Variants in MID1 observed in about 807,000 individuals in gnomAD.
The protein encoded by MID1 is midline 1.
MID1 carries 7 observed loss-of-function variants against 40.4 expected under a neutral mutation model. The ratio of observed to expected loss-of-function variants is 0.17; its 90% CI spans 0.10 to 0.33. The LOEUF (loss-of-function observed/expected upper bound fraction) is 0.33, where lower values mean the gene tolerates loss of function less well. MID1 is among the 10% of genes least tolerant of loss of function. The pLI is 1.00. For missense variants in MID1, 367 were observed against 558.5 expected (o/e 0.66, Z 3.46); for synonymous variants, 229 against 221.2 (o/e 1.04, Z -0.31).
Position 10,604,806 on chromosome X carries a change from T to C in MID1, c.-57+15484A>G, listed in dbSNP as rs1935594862. Among the ~76,000 whole-genome samples, 5 of 112,613 alleles carry C rather than the reference T, an allele frequency of 4.4e-5. No homozygotes were observed. The South Asian group carries it at 1.8e-3, about 41-fold the overall frequency. Reference sequence around the variant, plus strand: ...TTTTAAAATTTTACTTTCCATTAATTAATTCAGCAATGCACATATGCAACA... The same window carrying C: ...TTTTAAAATTTTACTTTCCATTAATCAATTCAGCAATGCACATATGCAACA... On this transcript the variant is annotated intron_variant, in intron 1 of 9. Transcript: ENST00000317552.
At chrX:10,665,288 C>T (rs2042942419) in intron 1 of MID1, among the ~76,000 whole-genome samples, 1 of 111,946 alleles carries the variant, frequency 8.9e-6, no homozygotes, top group Non-Finnish European at 1.9e-5. Flanking sequence ...ATTCTTAAGC[C>T]TCTAGACAGA....
intron 4 of MID1, among the ~76,000 whole-genome samples, chrX:10,493,360 C>CA (rs1321768036): frequency 1.8e-5 from 2 of 111,353 alleles, no homozygotes; most frequent in African/African-American, 6.5e-5. Flanking sequence ...CTAAAGCTTC[C>CA]AGAAAGAAAC....
At chrX:10,687,012 G>A (rs1214627527) in intron 1 of MID1, among the ~76,000 whole-genome samples, 2 of 111,269 alleles carry the variant, frequency 1.8e-5, no homozygotes, top group East Asian at 2.8e-4. Context: ...CCTTGGAAGG[G>A]GATCTTGGCA....
At chrX:10,480,518 G>A (rs1335931971) in intron 5 of MID1, among the ~76,000 whole-genome samples, 2 of 112,279 alleles carry the variant, frequency 1.8e-5, no homozygotes, top group African/African-American at 3.2e-5. Flanking sequence ...CCTGGATTCC[G>A]GTTGGAAACC....
chrX:10,572,113 C>G (rs1277049900), intron 1 of MID1, among the ~76,000 whole-genome samples: 2 of 107,265 alleles, frequency 1.9e-5, no homozygotes, highest in African/African-American at 6.9e-5. Flanking sequence ...CACTCTCTCT[C>G]TCTCTCTCTC....
intron 2 of MID1, among the ~76,000 whole-genome samples, chrX:10,528,249 T>C (rs1932871683): frequency 9.0e-6 from 1 of 111,630 alleles, no homozygotes; most frequent in South Asian, 3.8e-4. Context: ...AAAGTTAATT[T>C]TAATAAAATT....
intron 1 of MID1, among the ~76,000 whole-genome samples, chrX:10,653,580 T>C (rs2042848947): frequency 8.9e-6 from 1 of 112,444 alleles, no homozygotes. Flanking sequence ...CTATACATCA[T>C]TGGTCAAAAA....
At chrX:10,572,560 AAAC>A (rs1170792764) in intron 1 of MID1, among the ~76,000 whole-genome samples, 2 of 110,336 alleles carry the variant, frequency 1.8e-5, no homozygotes, top group East Asian at 5.7e-4. Context: ...CAAAACAAAC[AAAC>A]AACAACAACA....
At chrX:10,761,948 T>G (rs754720115) in intron 1 of MID1, among the ~76,000 whole-genome samples, 120 of 112,116 alleles carry the variant, frequency 1.1e-3, no homozygotes, top group Non-Finnish European at 1.7e-3. Context: ...CTTAGGAGAA[T>G]CATAATAGAA....
intron 3 of MID1, among the ~76,000 whole-genome samples, chrX:10,515,695 C>T (rs912536809): frequency 1.8e-5 from 2 of 112,000 alleles, no homozygotes; most frequent in Non-Finnish European, 3.8e-5. Flanking sequence ...GAGCCTTTAT[C>T]CTCTTGAAAC....
intron 1 of MID1, among the ~76,000 whole-genome samples, chrX:10,766,461 A>C (rs2043730167): frequency 8.9e-6 from 1 of 112,281 alleles, no homozygotes; most frequent in African/African-American, 3.2e-5. Flanking sequence ...TGTTCCATGC[A>C]GACACAGAAC....
intron 6 of MID1, 127 bp from the exon 7 acceptor site, chrX:10,469,967 G>A (rs1272476715): frequency 5.0e-6 from 3 of 598,306 alleles, no homozygotes; most frequent in East Asian, 3.4e-5. Flanking sequence ...CCTAGAGATG[G>A]TGACCCCAAT....
At chrX:10,751,488 A>G (rs1185777119) in intron 1 of MID1, among the ~76,000 whole-genome samples, 1 of 109,331 alleles carries the variant, frequency 9.1e-6, no homozygotes, top group Non-Finnish European at 1.9e-5. Flanking sequence ...AAAAAATACA[A>G]AAATTAGCTG....
intron 2 of MID1, among the ~76,000 whole-genome samples, chrX:10,551,327 A>G (rs931959977): frequency 5.3e-5 from 6 of 112,583 alleles, no homozygotes. Flanking sequence ...ATTTTATCCT[A>G]TCCTTTGTGA....
chrX:10,631,922 C>A (rs1936057250), intron 1 of MID1, among the ~76,000 whole-genome samples: 1 of 111,654 alleles, frequency 9.0e-6, no homozygotes, highest in African/African-American at 3.3e-5. Context: ...ATTGTTCAGA[C>A]ACACTTCTAA....
chrX:10,725,285 T>G (rs1427936097), intron 1 of MID1, among the ~76,000 whole-genome samples: 1 of 111,413 alleles, frequency 9.0e-6, no homozygotes, highest in Non-Finnish European at 1.9e-5. Context: ...TAGGTGAAGA[T>G]TGCATCTCTC....
chrX:10,722,451 C>A (rs1339296108), intron 1 of MID1, among the ~76,000 whole-genome samples: 1 of 111,984 alleles, frequency 8.9e-6, no homozygotes, highest in African/African-American at 3.2e-5. Flanking sequence ...AAGCAAAAAT[C>A]TAAGACAAAT....
intron 1 of MID1, among the ~76,000 whole-genome samples, chrX:10,794,593 C>T (rs1345457725): frequency 8.9e-6 from 1 of 112,112 alleles, no homozygotes; most frequent in African/African-American, 3.2e-5. Context: ...CACCTCAGAG[C>T]AACCAATACT....
intron 1 of MID1, among the ~76,000 whole-genome samples, chrX:10,809,506 T>C (rs1395193634): frequency 3.6e-5 from 4 of 111,290 alleles, no homozygotes; most frequent in Admixed American, 9.5e-5. Context: ...CTATTCACAA[T>C]AGCAAAGACT....
Sources: allele counts gnomAD v4.1 joint callset (sites outside exome capture counted in the v4.1 genomes callset), GRCh38; gene constraint gnomAD v4.1.1; transcripts MANE v1.5; gene names NCBI Gene and HGNC (gene_info 2026-07-23, HGNC 2026-07-21).